The following TJP2 variants were observed in gnomAD, a reference collection of about 807,000 sequenced individuals.
The protein encoded by TJP2 is Friedreich ataxia region gene X104 (tight junction protein ZO-2).
Under a neutral mutation model 133.1 loss-of-function variants are expected in TJP2, and 91 were observed. That is an observed-to-expected ratio of 0.68 (90% CI 0.58 to 0.81). The LOEUF is 0.81. TJP2 is among the 40% of genes least tolerant of loss of function. The pLI is 0.00. For missense variants in TJP2, 1,541 were observed against 1,565.6 expected (o/e 0.98, Z 0.26); for synonymous variants, 592 against 583.4 (o/e 1.01, Z -0.21).
At chr9:69,144,735 TG>T (rs1286899773) in intron 1 of TJP2, among the ~76,000 whole-genome samples, 2 of 152,236 alleles carry the variant, frequency 1.3e-5, no homozygotes, top group African/African-American at 4.8e-5. Flanking sequence ...GTAATACTAG[TG>T]AAGAGCCCTC....
At chr9:69,160,040 A>G (rs1422136852) in intron 2 of TJP2, among the ~76,000 whole-genome samples, 1 of 152,054 alleles carries the variant, frequency 6.6e-6, no homozygotes, top group African/African-American at 2.4e-5. Flanking sequence ...AAGCAAAGGC[A>G]GAACTCGATC....
rs555009074 is a variant in TJP2, at chr9:69,199,543, C to CAA, written c.61-13004_61-13003insAA. 6.6e-5 allele frequency among the ~76,000 whole-genome samples: 10 copies of CAA among 152,100 alleles called. No individual in the cohort carries two copies. The South Asian group carries it at 2.1e-3, about 32-fold the overall frequency. ...AGATCCTGTCTCAGACATACACACA[C>CAA]ACACACGCATGCACGTACGCACGCA... On this transcript the variant is annotated intron_variant, in intron 1 of 22. Coordinates refer to ENST00000377245, the MANE Select transcript of TJP2 (RefSeq NM_004817.4).
At chr9:69,236,503 A>G (rs2133385262) in intron 13 of TJP2, among the ~76,000 whole-genome samples, 1 of 152,238 alleles carries the variant, frequency 6.6e-6, no homozygotes, top group South Asian at 2.1e-4. Context: ...TGTACCGTAT[A>G]CAAGAGATAT....
At chr9:69,206,615 T>C (rs1291304024) in intron 1 of TJP2, among the ~76,000 whole-genome samples, 1 of 152,134 alleles carries the variant, frequency 6.6e-6, no homozygotes, top group Non-Finnish European at 1.5e-5. Flanking sequence ...TCTTGCTCTG[T>C]TGCCCAGGCT....
chr9:69,129,872 C>T (rs542551390), intron 1 of TJP2, among the ~76,000 whole-genome samples: 1 of 151,912 alleles, frequency 6.6e-6, no homozygotes, highest in Non-Finnish European at 1.5e-5. Flanking sequence ...AAAAAATTAG[C>T]TGGGCGTGGT....
chr9:69,252,077 C>T (rs1218698496), intron 21 of TJP2, among the ~76,000 whole-genome samples: 1 of 152,206 alleles, frequency 6.6e-6, no homozygotes, highest in African/African-American at 2.4e-5. Flanking sequence ...TCGCAGCAGC[C>T]TCCACCTCTC....
rs778511782 is a variant in TJP2 at position 69,227,999 on chromosome 9, G to A, written c.1338G>A (p.Pro446=). The A allele has an allele frequency of 1.7e-5, 27 of 1,614,020 alleles. No homozygotes were observed. Among genetic ancestry groups the A allele is most frequent in the South Asian group, 1.5e-4 (14 of 91,078 alleles). The stretch of plus-strand genomic sequence containing the variant: ...GATTCAGTTCCAGAGAGGACACGCC[G>A]AGCAGATTGTCCAGGATGGGTGCGA... The part of the protein sequence containing the change: ...KERPSSREDT[P]SRLSRMGATP... The change falls in exon 9 of 23, where the codon CCG becomes CCA. Residue 446 remains proline (P), a synonymous_variant. Transcript: ENST00000377245.
At chr9:69,235,225 C>A (rs10746573) in intron 12 of TJP2, among the ~76,000 whole-genome samples, 93,813 of 152,038 alleles carry the variant, frequency 0.62, 29,208 homozygotes, top group Admixed American at 0.68. Flanking sequence ...GTTCCAGTAC[C>A]AAGTCAGGGA....
Position 69,239,931 on chromosome 9 carries a change from A to G in TJP2, c.2356-6A>G. The stretch of plus-strand genomic sequence containing the variant: ...ATTTCTCTAACTTTTCCCCTTTTGT[A>G]AACAGGATAAGCATGCACTACTGGA... On this transcript the variant is annotated splice_region_variant and splice_polypyrimidine_tract_variant and intron_variant, in intron 16 of 22. Coordinates refer to ENST00000377245, the MANE Select transcript of TJP2 (RefSeq NM_004817.4). The G allele has an allele frequency of 6.2e-7, 1 of 1,612,972 alleles. No individual in the cohort carries two copies. The highest frequency in any genetic ancestry group is 1.3e-5 in the African/African-American group (1 of 75,026).
At chr9:69,183,528 C>T (rs1825654113) in intron 1 of TJP2, among the ~76,000 whole-genome samples, 1 of 152,126 alleles carries the variant, frequency 6.6e-6, no homozygotes, top group Admixed American at 6.6e-5. Context: ...TTTTTTGCCA[C>T]TGAGTCGTAT....
At chr9:69,206,318 G>A (rs1009782842) in intron 1 of TJP2, among the ~76,000 whole-genome samples, 7 of 151,862 alleles carry the variant, frequency 4.6e-5, no homozygotes, top group Non-Finnish European at 1.0e-4. Context: ...CCTAACCTGC[G>A]TCCCCACTCT....
At chr9:69,221,601 T>C in intron 5 of TJP2, 105 bp downstream of exon 5, 1 of 1,440,284 alleles carries the variant, frequency 6.9e-7, no homozygotes, top group Non-Finnish European at 9.5e-7. Flanking sequence ...TCATCCAGGC[T>C]GGAGGGAAGT....
chr9:69,254,940 T>C lies in TJP2; in HGVS notation c.*566T>C, dbSNP rs895730952. 2 of 298,026 alleles carry C rather than the reference T, an allele frequency of 6.7e-6. No individual in the cohort carries two copies. Among genetic ancestry groups the C allele is most frequent in the African/African-American group, 4.3e-5 (2 of 46,460 alleles). 18.5% of individuals were successfully genotyped at this position (298,026 alleles called of 1,614,324 possible). A position where few individuals can be genotyped will look rare whatever the true frequency, so the allele number is the denominator to read the frequency against. On this transcript the variant is annotated 3_prime_UTR_variant, in exon 23 of 23. Coordinates refer to ENST00000377245, the MANE Select transcript of TJP2 (RefSeq NM_004817.4). ...TATACCAGCTTAATAGCTGTAGTTT[T>C]CCCTGCACTGTGTCATCTTTTCAAG...
chr9:69,174,154 G>T (rs1283697226), upstream of TJP2: 10 of 1,266,128 alleles, frequency 7.9e-6, no homozygotes, highest in Non-Finnish European at 9.9e-6. Flanking sequence ...TTCCCGGGCC[G>T]GGCGGCCAGC....
At chr9:69,134,624 A>T (rs6560589) in intron 1 of TJP2, among the ~76,000 whole-genome samples, 69,962 of 152,018 alleles carry the variant, frequency 0.46, 16,271 homozygotes, top group East Asian at 0.62. Context: ...CCACTCAAGC[A>T]AGACAAACTG....
At chr9:69,253,208 C>T (rs148159959) in intron 22 of TJP2, 13 of 399,698 alleles carry the variant, frequency 3.3e-5, no homozygotes, top group African/African-American at 6.1e-5. Context: ...AGAATTCCTA[C>T]GGCTTAGACC....
intron 1 of TJP2, chr9:69,204,705 C>A: frequency 3.7e-6 from 2 of 546,524 alleles, no homozygotes; most frequent in Non-Finnish European, 4.7e-6. Context: ...ATTCAGTTGA[C>A]CTGAAACATT....
intron 17 of TJP2, 48 bp downstream of exon 17, chr9:69,240,195 A>G: frequency 6.8e-7 from 1 of 1,464,750 alleles, no homozygotes; most frequent in Non-Finnish European, 9.4e-7. Flanking sequence ...TGAGAAATAA[A>G]GAATTGAAGA....
chr9:69,238,832 G>A, intron 16 of TJP2, 43 bp downstream of exon 16: 1 of 1,477,566 alleles, frequency 6.8e-7, no homozygotes, highest in Non-Finnish European at 9.4e-7. Flanking sequence ...GAAAGAATTA[G>A]ATTATGGTTT....
Sources: allele counts gnomAD v4.1 joint callset (sites outside exome capture counted in the v4.1 genomes callset), GRCh38; gene constraint gnomAD v4.1.1; transcripts MANE v1.5; gene names NCBI Gene and HGNC (gene_info 2026-07-23, HGNC 2026-07-21).